Variants in KLHL18 observed in about 807,000 individuals in gnomAD.
The protein encoded by KLHL18 is kelch-like protein 18.
A neutral mutation model predicts 58.5 loss-of-function variants in KLHL18; 38 were observed. The ratio of observed to expected loss-of-function variants is 0.65; its 90% CI spans 0.50 to 0.85. The LOEUF is 0.85. Among genes scored for constraint, KLHL18 ranks in the 40% least tolerant of loss-of-function variants. The pLI is 0.00. For synonymous variants in KLHL18, 303 were observed against 301.9 expected (o/e 1.00, Z -0.04); for missense variants, 624 against 778.4 (o/e 0.80, Z 2.36).
chr3:47,327,631 C>T (rs1703756743), intron 3 of KLHL18, among the ~76,000 whole-genome samples: 1 of 152,246 alleles, frequency 6.6e-6, no homozygotes, highest in Non-Finnish European at 1.5e-5. Flanking sequence ...CGCTGTATTC[C>T]TCAGTGGCCA....
chr3:47,304,050 A>G (rs1703083668), intron 1 of KLHL18, among the ~76,000 whole-genome samples: 1 of 152,194 alleles, frequency 6.6e-6, no homozygotes, highest in East Asian at 1.9e-4. Flanking sequence ...AGTGAAAGCT[A>G]CAGAGATTTT....
rs191208216 is a variant in KLHL18 at position 47,283,989 on chromosome 3, A to T, written c.129+895A>T. On this transcript the variant is annotated intron_variant, in intron 1 of 9. Coordinates refer to ENST00000232766, the MANE Select transcript of KLHL18 (RefSeq NM_025010.5). ...CATGGTGGCTCACACCTGTAATCCC[A>T]GCACTTTGAGAGGCGAGAGGATCAC... 4.2e-3 allele frequency among the ~76,000 whole-genome samples: 642 copies of T among 152,322 alleles called. 3 individuals are homozygous for T. The highest frequency in any genetic ancestry group is 6.6e-3 in the Non-Finnish European group (447 of 68,018).
At chr3:47,328,676 T>C (rs1173339278) in intron 3 of KLHL18, among the ~76,000 whole-genome samples, 1 of 152,084 alleles carries the variant, frequency 6.6e-6, no homozygotes, top group East Asian at 1.9e-4. Context: ...GTGAGCACCA[T>C]TTTTGGTTTC....
At position 47,346,013 on chromosome 3, in the gene KLHL18, C is replaced by T. The variant is rs1007347689; in HGVS notation, c.*2072C>T. On this transcript the variant is annotated 3_prime_UTR_variant, in exon 10 of 10. Transcript: ENST00000232766. Reference sequence around the variant, plus strand: ...TTCCTGGTTTGCCTGTAGGGGTAGACTCGGAAGGTGGGTGGGGTGTGCATT... The same window carrying T: ...TTCCTGGTTTGCCTGTAGGGGTAGATTCGGAAGGTGGGTGGGGTGTGCATT... 5 of 152,548 alleles carry T rather than the reference C, an allele frequency of 3.3e-5. No homozygotes were observed. Among genetic ancestry groups the T allele is most frequent in the South Asian group, 2.1e-4 (1 of 4,822 alleles). 9.4% of individuals were successfully genotyped at this position (152,548 alleles called of 1,614,324 possible). A position where few individuals can be genotyped will look rare whatever the true frequency, so the allele number is the denominator to read the frequency against.
In KLHL18 at chr3:47,344,009, C is replaced by G; in HGVS notation, c.*68C>G. 6.4e-7 allele frequency: 1 copy of G among 1,562,416 alleles called. No homozygotes were observed. Among genetic ancestry groups the G allele is most frequent in the South Asian group, 1.2e-5 (1 of 86,944 alleles). ...ATAGGCGCTTCCTTCCAGGAACAGT[C>G]CCTCAGGAGAGGCAGTGGACCAGAA... is the stretch of plus-strand genomic sequence containing the variant. On this transcript the variant is annotated 3_prime_UTR_variant, in exon 10 of 10. Coordinates refer to ENST00000232766, the MANE Select transcript of KLHL18 (RefSeq NM_025010.5).
chr3:47,303,081 C>T (rs904227776), intron 1 of KLHL18, among the ~76,000 whole-genome samples: 4 of 152,228 alleles, frequency 2.6e-5, no homozygotes, highest in African/African-American at 9.6e-5. Context: ...TCTTCCATGA[C>T]TGGCTATGTC....
intron 3 of KLHL18, among the ~76,000 whole-genome samples, chr3:47,326,517 C>G (rs2107640711): frequency 6.6e-6 from 1 of 152,202 alleles, no homozygotes; most frequent in East Asian, 1.9e-4. Context: ...TTGCATGGGC[C>G]CCTTTCCTGT....
At chr3:47,289,034 T>C (rs916515427) in intron 1 of KLHL18, among the ~76,000 whole-genome samples, 1 of 152,196 alleles carries the variant, frequency 6.6e-6, no homozygotes, top group Admixed American at 6.5e-5. Flanking sequence ...TGGAGCCAGA[T>C]TTTATATATT....
intron 1 of KLHL18, among the ~76,000 whole-genome samples, chr3:47,306,660 CATT>C (rs908857409): frequency 2.4e-4 from 37 of 152,114 alleles, no homozygotes; most frequent in Non-Finnish European, 5.0e-4. Context: ...ATTGCTAGGT[CATT>C]GAGTATGTGC....
chr3:47,299,072 G>A (rs1702956941), intron 1 of KLHL18, among the ~76,000 whole-genome samples: 2 of 152,172 alleles, frequency 1.3e-5, no homozygotes, highest in South Asian at 2.1e-4. Context: ...ATGTCATACA[G>A]TTTGTGTATT....
intron 1 of KLHL18, among the ~76,000 whole-genome samples, chr3:47,289,781 CAAAAA>C (rs1201704286): frequency 6.6e-6 from 1 of 150,746 alleles, no homozygotes; most frequent in Non-Finnish European, 1.5e-5. Context: ...GACTCTGTCT[CAAAAA>C]AAGAAAAAAG....
At position 47,336,591 on chromosome 3, in the gene KLHL18, TG is replaced by T. The variant is rs1559504008; in HGVS notation, c.956del (p.Cys319SerfsTer4). The T allele has an allele frequency of 1.9e-6, 3 of 1,614,244 alleles. No individual in the cohort carries two copies. Among genetic ancestry groups the T allele is most frequent in the Non-Finnish European group, 1.7e-6 (2 of 1,180,044 alleles). On this transcript the variant is annotated frameshift_variant, in exon 7 of 10. Coordinates refer to ENST00000232766, the MANE Select transcript of KLHL18 (RefSeq NM_025010.5). LOFTEE classifies it high-confidence loss of function. Reference sequence around the variant, plus strand: ...CCCCATTGCCAATTGCTGGGAGAGATGCCGTCCCATGACAACAGCCCGCAGC... The same window carrying T: ...CCCCATTGCCAATTGCTGGGAGAGATCCGTCCCATGACAACAGCCCGCAGC... The part of the protein sequence containing the change: ...FDPIANCWER[C>X]RPMTTARSRV...
At chr3:47,340,447 T>C in intron 7 of KLHL18, 125 bp from the exon 8 acceptor site, 1 of 1,421,604 alleles carries the variant, frequency 7.0e-7, no homozygotes. Flanking sequence ...ATGCCTTTAC[T>C]TAGTCACATA....
At chr3:47,329,227 G>GT (rs900021020) in intron 3 of KLHL18, among the ~76,000 whole-genome samples, 3 of 151,664 alleles carry the variant, frequency 2.0e-5, no homozygotes, top group African/African-American at 7.3e-5. Flanking sequence ...TGTTTTGTTT[G>GT]TTTTTTGTTT....
In KLHL18 at chr3:47,311,548, C is replaced by T. The variant is rs143417923; in HGVS notation, c.130-8105C>T. 5.8e-3 allele frequency among the ~76,000 whole-genome samples: 876 copies of T among 151,972 alleles called. 12 individuals carry two copies. The highest frequency in any genetic ancestry group is 0.02 in the African/African-American group (840 of 41,448). The stretch of plus-strand genomic sequence containing the variant: ...TCTACTAAAAATACAAAAAATTAGC[C>T]GAGCATGGTGGCAGGTGCCTGTAGT... On this transcript the variant is annotated intron_variant, in intron 1 of 9. Coordinates refer to ENST00000232766, the MANE Select transcript of KLHL18 (RefSeq NM_025010.5).
chr3:47,335,321 G>A (rs1197287713), intron 6 of KLHL18, among the ~76,000 whole-genome samples: 1 of 152,012 alleles, frequency 6.6e-6, no homozygotes, highest in East Asian at 1.9e-4. Flanking sequence ...AAATACACAG[G>A]GTCTACCACT....
intron 1 of KLHL18, among the ~76,000 whole-genome samples, chr3:47,310,669 T>C (rs1392181716): frequency 1.3e-5 from 2 of 152,238 alleles, no homozygotes; most frequent in Non-Finnish European, 2.9e-5. Context: ...GACTTTGTCC[T>C]TCTCTGTCGT....
chr3:47,297,674 T>A (rs1417191107), intron 1 of KLHL18: 1 of 450,240 alleles, frequency 2.2e-6, no homozygotes, highest in African/African-American at 2.0e-5. Context: ...AAAGAAGAGG[T>A]AAAATTCATC....
At chr3:47,306,664 G>T (rs1319329362) in intron 1 of KLHL18, among the ~76,000 whole-genome samples, 2 of 152,088 alleles carry the variant, frequency 1.3e-5, no homozygotes, top group African/African-American at 4.8e-5. Flanking sequence ...CTAGGTCATT[G>T]AGTATGTGCG....
Sources: allele counts gnomAD v4.1 joint callset (sites outside exome capture counted in the v4.1 genomes callset), GRCh38; gene constraint gnomAD v4.1.1; transcripts MANE v1.5; gene names NCBI Gene and HGNC (gene_info 2026-07-23, HGNC 2026-07-21).